TUT4: variants seen among roughly 807,000 people sequenced by gnomAD.
TUT4 encodes terminal uridylyl transferase 4, also known as terminal uridylyltransferase 4.
Under a neutral mutation model 192.2 loss-of-function variants are expected in TUT4, and 36 were observed. The ratio of observed to expected loss-of-function variants is 0.19; its 90% CI spans 0.14 to 0.25. The LOEUF (loss-of-function observed/expected upper bound fraction) is 0.25. Among genes scored for constraint, TUT4 ranks in the 10% least tolerant of loss-of-function variants. The probability of loss-of-function intolerance (pLI) is 1.00; values close to 1 mark genes in which losing one functional copy is unlikely to be tolerated. For missense variants in TUT4, 1,493 were observed against 1,957.2 expected (o/e 0.76, Z 4.47); for synonymous variants, 618 against 666.0 (o/e 0.93, Z 1.11).
intron 1 of TUT4, among the ~76,000 whole-genome samples, chr1:52,550,446 T>C (rs1689121591): frequency 1.3e-5 from 2 of 152,030 alleles, no homozygotes; most frequent in South Asian, 4.1e-4. Flanking sequence ...CATTGAGTTC[T>C]ATTTTGTCAA....
chr1:52,479,781 T>A (rs973872073), intron 11 of TUT4, among the ~76,000 whole-genome samples: 3 of 151,650 alleles, frequency 2.0e-5, no homozygotes, highest in Non-Finnish European at 4.4e-5. Flanking sequence ...GATCACGAGA[T>A]CAGGAGATTG....
intron 1 of TUT4, among the ~76,000 whole-genome samples, chr1:52,530,592 T>C (rs1315209772): frequency 6.6e-6 from 1 of 152,174 alleles, no homozygotes; most frequent in African/African-American, 2.4e-5. Flanking sequence ...GCCTCAAAAA[T>C]TTTATCACAA....
At chr1:52,469,116 C>T (rs1371901200) in intron 14 of TUT4, among the ~76,000 whole-genome samples, 1 of 152,114 alleles carries the variant, frequency 6.6e-6, no homozygotes, top group Non-Finnish European at 1.5e-5. Flanking sequence ...ATGGTGGATA[C>T]ATGACACAAT....
rs751624068 is a variant in TUT4, at chr1:52,431,079, C to T, written c.4645G>A (p.Asp1549Asn). The change falls in exon 28 of 30, where the codon GAT becomes AAT. Residue 1549 changes from aspartate to asparagine, a missense_variant. By Grantham distance (23) the Asp-to-Asn change is conservative (BLOSUM62 1). Coordinates refer to ENST00000257177, the MANE Select transcript of TUT4 (RefSeq NM_001009881.3). ...RPVAIPNTSH[D>N]GHWPRTVAPN... ...GCCACAGTACGGGGCCAGTGTCCAT[C>T]GTGAGACGTGTTAGGGATTGCCACA... is the stretch of plus-strand genomic sequence containing the variant. 40 of 1,613,728 alleles carry T rather than the reference C, an allele frequency of 2.5e-5. No individual in the cohort carries two copies. The highest frequency in any genetic ancestry group is 1.6e-4 in the Middle Eastern group (1 of 6,084).
chr1:52,443,729 C>T (rs992122899), intron 24 of TUT4, among the ~76,000 whole-genome samples: 5 of 152,054 alleles, frequency 3.3e-5, no homozygotes, highest in African/African-American at 1.2e-4. Context: ...CACGACTGCA[C>T]TCCAGCCTGG....
chr1:52,443,948 T>G (rs1465561530), intron 24 of TUT4, among the ~76,000 whole-genome samples: 1 of 151,800 alleles, frequency 6.6e-6, no homozygotes, highest in Non-Finnish European at 1.5e-5. Context: ...AAAATATTAG[T>G]CAAATTAGGC....
rs143413456 is a variant in TUT4, at chr1:52,477,678, C to T, written c.2023+30G>A. The T allele has an allele frequency of 3.7e-4, 585 of 1,574,554 alleles. 4 individuals carry two copies. The East Asian group carries it at 0.013, about 35-fold the overall frequency. On this transcript the variant is annotated intron_variant, in intron 12 of 29. Coordinates refer to ENST00000257177, the MANE Select transcript of TUT4 (RefSeq NM_001009881.3). ...TAATGAGTAGCACATAAAAAATATT[C>T]TCCAAATGAAATACAACATATCATC...
chr1:52,546,113 T>C (rs1383107450), intron 1 of TUT4, among the ~76,000 whole-genome samples: 6 of 152,082 alleles, frequency 3.9e-5, no homozygotes, highest in Non-Finnish European at 8.8e-5. Flanking sequence ...CACTCCAGCT[T>C]GGGAGACAGA....
chr1:52,544,493 AG>A (rs1687570129), intron 1 of TUT4, among the ~76,000 whole-genome samples: 1 of 152,192 alleles, frequency 6.6e-6, no homozygotes, highest in Non-Finnish European at 1.5e-5. Context: ...CATCTGCAAA[AG>A]ATTGAATTTT....
rs919559320 is a variant in TUT4, at chr1:52,502,609, C to CTTTTTTTT, written c.1000-5434_1000-5427dup. Reference sequence around the variant, plus strand: ...TCATTAAGTAAGCCCTCTTAGCCCTCTTTTTTTTTTTTTTTTTTTTTTTGA... The same window carrying CTTTTTTTT: ...TCATTAAGTAAGCCCTCTTAGCCCTCTTTTTTTTTTTTTTTTTTTTTTTTTTTTTTTGA... On this transcript the variant is annotated intron_variant, in intron 4 of 29. Coordinates refer to ENST00000257177, the MANE Select transcript of TUT4 (RefSeq NM_001009881.3). Among the ~76,000 whole-genome samples the CTTTTTTTT allele has an allele frequency of 3.3e-3, 267 of 82,124 alleles. 19 individuals are homozygous for CTTTTTTTT. Among genetic ancestry groups the CTTTTTTTT allele is most frequent in the African/African-American group, 0.012 (226 of 18,640 alleles). The allele number at this position is 82,124 out of a possible 152,430, so 53.9% of individuals were successfully genotyped here.
rs1165767596 is a variant in TUT4, at chr1:52,468,196, G to A, written c.2950C>T (p.Gln984Ter). The A allele has an allele frequency of 6.2e-7, 1 of 1,609,312 alleles. No homozygotes were observed. Among genetic ancestry groups the A allele is most frequent in the Non-Finnish European group, 8.5e-7 (1 of 1,178,632 alleles). The change falls in exon 15 of 30, where the codon CAA becomes TAA. Residue 984 changes from glutamine (Q) to a stop codon, truncating the protein, a stop_gained. Coordinates refer to ENST00000257177, the MANE Select transcript of TUT4 (RefSeq NM_001009881.3). LOFTEE classifies it high-confidence loss of function. ...TATGACATACCATCATATTCTTTTT[G>A]AATAAACTTTTCCAAGCCAATTAAA... is the stretch of plus-strand genomic sequence containing the variant. ...QILIGLEKFI[Q>*]KEYDEKARLC... is the part of the protein sequence containing the mutation.
intron 11 of TUT4, among the ~76,000 whole-genome samples, chr1:52,478,859 T>A (rs946387822): frequency 6.6e-6 from 1 of 152,206 alleles, no homozygotes; most frequent in East Asian, 1.9e-4. Flanking sequence ...CAAGGCAGTG[T>A]TCCAGGCACT....
At chr1:52,530,258 CAAA>C (rs11365992) in intron 1 of TUT4, among the ~76,000 whole-genome samples, 17 of 93,280 alleles carry the variant, frequency 1.8e-4, no homozygotes, top group African/African-American at 1.3e-4. Flanking sequence ...GACTCCATCT[CAAA>C]AAAAAAAAAA....
rs1193707615 is a variant in TUT4, at chr1:52,515,874, A to G, written c.882+17T>C. On this transcript the variant is annotated intron_variant, in intron 3 of 29. Coordinates refer to ENST00000257177, the MANE Select transcript of TUT4 (RefSeq NM_001009881.3). ...AACACACATTTCCCCCCAAATAACT[A>G]AAACAACATAGTATACTTTTTCAAG... 1 of 1,613,854 alleles carries G rather than the reference A, an allele frequency of 6.2e-7. No individual in the cohort carries two copies. The highest frequency in any genetic ancestry group is 2.2e-5 in the East Asian group (1 of 44,828).
intron 20 of TUT4, among the ~76,000 whole-genome samples, chr1:52,456,411 CA>C (rs1157223640): frequency 4.8e-3 from 58 of 11,982 alleles, no homozygotes; most frequent in African/African-American, 8.6e-3. Flanking sequence ...GACTGTGTCT[CA>C]AAAAAAAAAA....
intron 28 of TUT4, among the ~76,000 whole-genome samples, chr1:52,430,111 C>T (rs889367995): frequency 6.6e-6 from 1 of 151,240 alleles, no homozygotes; most frequent in Non-Finnish European, 1.5e-5. Flanking sequence ...TGATTTATTT[C>T]TCAAATACTC....
In TUT4 at chr1:52,423,679, C is replaced by T. The variant is rs1038215660; in HGVS notation, c.*256G>A. 1 of 678,446 alleles carries T rather than the reference C, an allele frequency of 1.5e-6. No homozygotes were observed. The highest frequency in any genetic ancestry group is 2.0e-5 in the South Asian group (1 of 49,380). The allele number at this position is 678,446 out of a possible 1,614,324, so 42.0% of individuals were successfully genotyped here. A position where few individuals can be genotyped will look rare whatever the true frequency, so the allele number is the denominator to read the frequency against. On this transcript the variant is annotated 3_prime_UTR_variant, in exon 30 of 30. Coordinates refer to ENST00000257177, the MANE Select transcript of TUT4 (RefSeq NM_001009881.3). ...TAAAATAGATGAAATTTGTATCACT[C>T]AATTTGGTGATACTAGTAAAAACTA...
At chr1:52,426,598 A>C (rs948639215) in intron 28 of TUT4, among the ~76,000 whole-genome samples, 2 of 152,198 alleles carry the variant, frequency 1.3e-5, no homozygotes, top group Non-Finnish European at 2.9e-5. Context: ...CATTCTTAGA[A>C]GCTGAATCTT....
intron 9 of TUT4, among the ~76,000 whole-genome samples, chr1:52,485,186 C>A (rs1252742278): frequency 6.6e-6 from 1 of 152,060 alleles, no homozygotes; most frequent in Admixed American, 6.6e-5. Context: ...CTTCTTATAT[C>A]TTTGTTATTA....
Sources: allele counts gnomAD v4.1 joint callset (sites outside exome capture counted in the v4.1 genomes callset), GRCh38; gene constraint gnomAD v4.1.1; transcripts MANE v1.5; gene names NCBI Gene and HGNC (gene_info 2026-07-23, HGNC 2026-07-21).